The following SLC38A4 variants were observed in gnomAD, a reference collection of about 807,000 sequenced individuals.
SLC38A4 encodes the protein sodium-coupled neutral amino acid transporter 4.
A neutral mutation model predicts 63.1 loss-of-function variants in SLC38A4; 20 were observed. The observed-to-expected ratio is 0.32, with a 90% CI of 0.22 to 0.46. The LOEUF is 0.46. Ranked by LOEUF, SLC38A4 falls within the 20% of genes least tolerant of loss-of-function variation. The probability of loss-of-function intolerance (pLI) is 1.00; values close to 1 mark genes in which losing one functional copy is unlikely to be tolerated. For synonymous variants in SLC38A4, 230 were observed against 225.5 expected, an observed-to-expected ratio of 1.02 and a Z score of -0.18; for missense variants, 526 against 663.6, an observed-to-expected ratio of 0.79 and a Z score of 2.28.
upstream of SLC38A4, among the ~76,000 whole-genome samples, chr12:46,828,935 T>C (rs1346689227): frequency 3.3e-5 from 5 of 152,264 alleles, no homozygotes; most frequent in Admixed American, 2.6e-4. Flanking sequence ...TACTGTGTTA[T>C]GTAACACATT....
At chr12:46,768,252 T>C in intron 16 of SLC38A4, 58 bp downstream of exon 16, 1 of 1,266,736 alleles carries the variant, frequency 7.9e-7, no homozygotes, top group Non-Finnish European at 1.1e-6. Flanking sequence ...ATTTTCTAGT[T>C]TATTCTAAGT....
chr12:46,778,440 T>C (rs1263772120), intron 11 of SLC38A4, 61 bp downstream of exon 11: 1 of 1,610,612 alleles, frequency 6.2e-7, no homozygotes, highest in Non-Finnish European at 8.5e-7. Context: ...TCTCAGTTTA[T>C]TGAATAAAAA....
At chr12:46,789,902 C>T (rs1284451069) in intron 3 of SLC38A4, among the ~76,000 whole-genome samples, 9 of 151,746 alleles carry the variant, frequency 5.9e-5, no homozygotes, top group Non-Finnish European at 1.0e-4. Context: ...CATGGTGAAA[C>T]TTCGTCTCTA....
chr12:46,771,803 T>C (rs1200690329), intron 14 of SLC38A4, among the ~76,000 whole-genome samples: 1 of 152,094 alleles, frequency 6.6e-6, no homozygotes, highest in Non-Finnish European at 1.5e-5. Flanking sequence ...TTACCTTTGC[T>C]AGGGCAGACC....
chr12:46,785,862 C>A (rs1331412248), intron 5 of SLC38A4, among the ~76,000 whole-genome samples: 2 of 145,282 alleles, frequency 1.4e-5, no homozygotes, highest in East Asian at 4.2e-4. Context: ...ATTTGGAGCA[C>A]AAAAATAAGA....
At chr12:46,822,198 C>T (rs943243523) in intron 1 of SLC38A4, among the ~76,000 whole-genome samples, 14 of 152,068 alleles carry the variant, frequency 9.2e-5, no homozygotes, top group African/African-American at 1.4e-4. Flanking sequence ...TTGACACACA[C>T]GTACACATAG....
intron 2 of SLC38A4, among the ~76,000 whole-genome samples, chr12:46,795,549 G>A (rs1004165917): frequency 6.6e-6 from 1 of 152,010 alleles, no homozygotes; most frequent in African/African-American, 2.4e-5. Flanking sequence ...CTAGTTTCTT[G>A]AACGGCATTC....
chr12:46,826,456 C>T (rs889517345), upstream of SLC38A4, among the ~76,000 whole-genome samples: 5 of 152,158 alleles, frequency 3.3e-5, no homozygotes, highest in African/African-American at 1.2e-4. Context: ...TGAGTGTTTA[C>T]GTGCCATGCA....
chr12:46,807,713 G>T (rs914449083), intron 1 of SLC38A4, among the ~76,000 whole-genome samples: 2 of 151,966 alleles, frequency 1.3e-5, no homozygotes, highest in Non-Finnish European at 1.5e-5. Context: ...AGAATTCTCT[G>T]CCATGATAAA....
intron 1 of SLC38A4, among the ~76,000 whole-genome samples, chr12:46,823,425 G>T (rs1939589568): frequency 6.6e-6 from 1 of 152,136 alleles, no homozygotes; most frequent in South Asian, 2.1e-4. Flanking sequence ...ACTCAGAAAA[G>T]CAGATCTACC....
intron 1 of SLC38A4, among the ~76,000 whole-genome samples, chr12:46,809,346 A>T (rs1487596848): frequency 1.3e-5 from 2 of 152,102 alleles, no homozygotes. Context: ...TTTCAAAGGA[A>T]TCTGAGCAGA....
intron 3 of SLC38A4, among the ~76,000 whole-genome samples, chr12:46,790,741 T>C (rs888665672): frequency 1.3e-5 from 2 of 151,416 alleles, no homozygotes; most frequent in African/African-American, 4.9e-5. Flanking sequence ...CATGCCAAGA[T>C]TGTATAAAAT....
chr12:46,820,673 A>G (rs946297444), intron 1 of SLC38A4, among the ~76,000 whole-genome samples: 6 of 152,012 alleles, frequency 3.9e-5, no homozygotes, highest in Admixed American at 2.6e-4. Flanking sequence ...TTTGATTTCA[A>G]TTCTTTTGGA....
At chr12:46,831,859 G>A (rs1939735726) in intron 1 of SLC38A4, among the ~76,000 whole-genome samples, 1 of 152,170 alleles carries the variant, frequency 6.6e-6, no homozygotes, top group Non-Finnish European at 1.5e-5. Flanking sequence ...TCTCAGCCAG[G>A]CAGGCGGCGC....
At chr12:46,788,892 A>G (rs1938822065) in intron 3 of SLC38A4, among the ~76,000 whole-genome samples, 1 of 152,216 alleles carries the variant, frequency 6.6e-6, no homozygotes, top group Non-Finnish European at 1.5e-5. Flanking sequence ...TCTTTCTCAC[A>G]TTAGCTATGC....
At chr12:46,788,758 C>A in intron 3 of SLC38A4, 140 bp from the exon 4 acceptor site, 2 of 693,246 alleles carry the variant, frequency 2.9e-6, no homozygotes, top group Non-Finnish European at 4.9e-6. Flanking sequence ...CTCCTTCACA[C>A]TAACGGTCAT....
At chr12:46,776,692 T>C (rs1438543336) in intron 13 of SLC38A4, among the ~76,000 whole-genome samples, 1 of 152,048 alleles carries the variant, frequency 6.6e-6, no homozygotes, top group Non-Finnish European at 1.5e-5. Flanking sequence ...AAAATAGGTG[T>C]TAATTCACAA....
At chr12:46,811,166 G>C (rs1939333169) in intron 1 of SLC38A4, among the ~76,000 whole-genome samples, 1 of 151,892 alleles carries the variant, frequency 6.6e-6, no homozygotes, top group Non-Finnish European at 1.5e-5. Flanking sequence ...TATGCTAGGG[G>C]CTAAGGCAAA....
Position 46,793,028 on chromosome 12 carries a change from T to A in SLC38A4, c.44A>T (p.Asp15Val). The A allele has an allele frequency of 6.2e-7, 1 of 1,613,288 alleles. No individual in the cohort carries two copies. The highest frequency in any genetic ancestry group is 8.5e-7 in the Non-Finnish European group (1 of 1,179,418). The change falls in exon 3 of 17, where the codon GAT becomes GTT. Residue 15 changes from aspartate to valine, a missense_variant. Transcript: ENST00000266579. ...AGCACTTTCTCCACTGCTGCTCTCA[T>A]CATCTGGTTCGATGTTGACATTTCT... Reference protein sequence around the residue: ...ELRNVNIEPDDESSSGESAPD... With the variant: ...ELRNVNIEPDVESSSGESAPD...
Sources: allele counts gnomAD v4.1 joint callset (sites outside exome capture counted in the v4.1 genomes callset), GRCh38; gene constraint gnomAD v4.1.1; transcripts MANE v1.5; gene names NCBI Gene and HGNC (gene_info 2026-07-23, HGNC 2026-07-21).